The following ABCC9 variants were observed in gnomAD, a reference collection of about 807,000 sequenced individuals.
The protein encoded by ABCC9 is ATP-binding cassette sub-family C member 9.
ABCC9 carries 95 observed loss-of-function variants against 188.3 expected under a neutral mutation model. That is an observed-to-expected ratio of 0.50 (90% CI 0.43 to 0.60). ABCC9 has a LOEUF of 0.60. ABCC9 is among the 20% of genes least tolerant of loss of function. The probability of loss-of-function intolerance (pLI) is 0.00; values close to 1 mark genes in which losing one functional copy is unlikely to be tolerated. For synonymous variants in ABCC9, 659 were observed against 652.7 expected, an observed-to-expected ratio of 1.01 and a Z score of -0.15; for missense variants, 1,102 against 1,876.3, an observed-to-expected ratio of 0.59 and a Z score of 7.62.
At chr12:21,908,997 TA>T (rs1948185410) in intron 10 of ABCC9, among the ~76,000 whole-genome samples, 2 of 151,946 alleles carry the variant, frequency 1.3e-5, no homozygotes, top group African/African-American at 4.8e-5. Flanking sequence ...GTATATAATT[TA>T]TGCCTATATG....
intron 12 of ABCC9, among the ~76,000 whole-genome samples, chr12:21,901,697 G>C (rs1200437300): frequency 6.6e-6 from 1 of 152,150 alleles, no homozygotes; most frequent in Non-Finnish European, 1.5e-5. Context: ...AAGATCAAAA[G>C]AGACAAAGAA....
chr12:21,801,091 C>A lies in ABCC9; in HGVS notation c.4603G>T (p.Ala1535Ser), dbSNP rs1218084585. Residue 1535 changes from alanine (A) to serine (S), a missense_variant, in exon 40 of 40, where the codon GCT (alanine) becomes TCT (serine). Ala to Ser is a moderately conservative substitution (Grantham distance 99, BLOSUM62 1). Around this residue, in one of 12 missense-constraint regions of ABCC9, gnomAD observed 30 missense variants for 34.3 expected, o/e 0.87. Coordinates refer to ENST00000261200, the MANE Select transcript of ABCC9 (RefSeq NM_020297.4). ...GAAGCAAATACTCCATTTTCCTGAG[C>A]CAAGAGGCTTTCTGGAGTGTCATAT... ...LEYDTPESLL[A>S]QENGVFASFV... is the part of the protein sequence containing the mutation. 2 of 1,614,008 alleles carry A rather than the reference C, an allele frequency of 1.2e-6. No individual in the cohort carries two copies. The highest frequency in any genetic ancestry group is 2.2e-5 in the South Asian group (2 of 91,076).
intron 4 of ABCC9, among the ~76,000 whole-genome samples, chr12:21,929,622 T>C (rs1016946085): frequency 1.3e-5 from 2 of 152,090 alleles, no homozygotes; most frequent in Non-Finnish European, 2.9e-5. Context: ...GTCATAATTA[T>C]GATAAAGATA....
At chr12:21,884,792 G>A (rs1055042653) in intron 15 of ABCC9, among the ~76,000 whole-genome samples, 49 of 152,214 alleles carry the variant, frequency 3.2e-4, no homozygotes, top group African/African-American at 1.1e-3. Context: ...TAGAGAGGAG[G>A]AGAGTATGTT....
intron 30 of ABCC9, 45 bp downstream of exon 30, chr12:21,838,033 T>C (rs747619692): frequency 7.2e-7 from 1 of 1,386,152 alleles, no homozygotes; most frequent in Non-Finnish European, 1.0e-6. Context: ...TATTTGTTGA[T>C]GATGTTATTG....
At chr12:21,906,519 C>A (rs1380537186) in intron 11 of ABCC9, among the ~76,000 whole-genome samples, 3 of 152,086 alleles carry the variant, frequency 2.0e-5, no homozygotes, top group Non-Finnish European at 2.9e-5. Flanking sequence ...ATGTATGTCT[C>A]TGTTGCTTTG....
At chr12:21,819,486 T>C (rs1942895908) in intron 31 of ABCC9, among the ~76,000 whole-genome samples, 1 of 152,162 alleles carries the variant, frequency 6.6e-6, no homozygotes, top group South Asian at 2.1e-4. Context: ...CAACCAATGA[T>C]CCCAGCCTTG....
At chr12:21,887,982 A>G (rs1179190425) in intron 14 of ABCC9, 48 bp from the exon 15 acceptor site, 2 of 1,373,964 alleles carry the variant, frequency 1.5e-6, no homozygotes, top group Non-Finnish European at 2.1e-6. Context: ...TAAAACCACC[A>G]CCAACAAAGT....
At chr12:21,801,547 A>G (rs1591915137) in intron 39 of ABCC9, among the ~76,000 whole-genome samples, 1 of 152,220 alleles carries the variant, frequency 6.6e-6, no homozygotes, top group African/African-American at 2.4e-5. Context: ...AACAATAATT[A>G]TCTCTTGTGT....
In ABCC9 at chr12:21,883,009, C is replaced by T. The variant is rs1002161750; in HGVS notation, c.1912-136G>A. The T allele has an allele frequency of 1.7e-5, 12 of 697,346 alleles. No individual in the cohort carries two copies. In the Admixed American group the frequency reaches 2.3e-4, roughly 13 times the overall value. 43.2% of individuals were successfully genotyped at this position (697,346 alleles called of 1,614,324 possible). On this transcript the variant is annotated intron_variant, in intron 15 of 39. Transcript: ENST00000261200. ...TATATTTTAATTATTTCAGTGACTC[C>T]TTCATAAAAAAAAATGAAAAATTCT...
intron 22 of ABCC9, among the ~76,000 whole-genome samples, chr12:21,858,790 A>G (rs1945355766): frequency 1.3e-5 from 2 of 152,100 alleles, no homozygotes; most frequent in African/African-American, 4.8e-5. Context: ...GAGGCTCTAG[A>G]GATTAGATGG....
chr12:21,874,831 T>C (rs534866168), intron 17 of ABCC9, among the ~76,000 whole-genome samples: 2 of 152,272 alleles, frequency 1.3e-5, no homozygotes, highest in African/African-American at 4.8e-5. Context: ...TTTTAACTAA[T>C]TTAGTCAAAA....
chr12:21,919,404 GACAA>G, intron 5 of ABCC9, among the ~76,000 whole-genome samples: 1 of 151,730 alleles, frequency 6.6e-6, no homozygotes, highest in African/African-American at 2.4e-5. Context: ...ATAACATTAT[GACAA>G]TATATCCAAA....
At chr12:21,849,007 CAGT>C (rs1339568805) in intron 24 of ABCC9, among the ~76,000 whole-genome samples, 4 of 152,136 alleles carry the variant, frequency 2.6e-5, no homozygotes, top group Non-Finnish European at 4.4e-5. Context: ...CTCAGGACTG[CAGT>C]AGTAGTATCA....
rs752169396 is a variant in ABCC9 at position 21,805,988 on chromosome 12, T to C, written c.4512+10A>G. On this transcript the variant is annotated intron_variant, in intron 39 of 39. Coordinates refer to ENST00000261200, the MANE Select transcript of ABCC9 (RefSeq NM_020297.4). ...AAAGAGGTATACCAACTCCGTCTTC[T>C]CATACTTACAGCTATTGTCACCACG... 6.2e-7 allele frequency: 1 copy of C among 1,613,740 alleles called. No homozygotes were observed. Among genetic ancestry groups the C allele is most frequent in the East Asian group, 2.2e-5 (1 of 44,868 alleles).
chr12:21,881,163 ATCTC>A (rs1946597703), intron 16 of ABCC9, among the ~76,000 whole-genome samples: 1 of 152,224 alleles, frequency 6.6e-6, no homozygotes, highest in South Asian at 2.1e-4. Flanking sequence ...TGGCAATTAT[ATCTC>A]AGGGAAAAAT....
chr12:21,915,239 G>GTATATAA (rs1948491103), intron 7 of ABCC9, among the ~76,000 whole-genome samples: 2 of 98,644 alleles, frequency 2.0e-5, no homozygotes, highest in Non-Finnish European at 4.3e-5. Flanking sequence ...GTGTGTGTGT[G>GTATATAA]TGTGTGTGTG....
chr12:21,873,537 A>C (rs1946184390), intron 17 of ABCC9, among the ~76,000 whole-genome samples: 1 of 152,186 alleles, frequency 6.6e-6, no homozygotes, highest in South Asian at 2.1e-4. Context: ...AAATCCCTAC[A>C]GCATTTTTTA....
At chr12:21,935,382 A>G (rs952570573) in intron 3 of ABCC9, among the ~76,000 whole-genome samples, 3 of 152,168 alleles carry the variant, frequency 2.0e-5, no homozygotes, top group Non-Finnish European at 4.4e-5. Flanking sequence ...ACTATGTACC[A>G]AGAATTATGT....
Sources: allele counts gnomAD v4.1 joint callset (sites outside exome capture counted in the v4.1 genomes callset), GRCh38; gene constraint gnomAD v4.1.1; regional missense constraint gnomAD v4.1.1; transcripts MANE v1.5; gene names NCBI Gene and HGNC (gene_info 2026-07-23, HGNC 2026-07-21).